CLSTN2: variants seen among roughly 807,000 people sequenced by gnomAD.
CLSTN2 encodes calsyntenin-2.
CLSTN2 carries 48 observed loss-of-function variants against 101.2 expected under a neutral mutation model. That is an observed-to-expected ratio of 0.47 (90% CI 0.38 to 0.60). The LOEUF is 0.60. CLSTN2 is among the 20% of genes least tolerant of loss of function. The pLI, the probability that CLSTN2 is intolerant of heterozygous loss-of-function variation, is 0.00. For missense variants in CLSTN2, 1,160 were observed against 1,238.2 expected (o/e 0.94, Z 0.95); for synonymous variants, 481 against 463.6 (o/e 1.04, Z -0.48).
At chr3:140,544,788 G>A (rs1435133852) in intron 9 of CLSTN2, among the ~76,000 whole-genome samples, 1 of 151,988 alleles carries the variant, frequency 6.6e-6, no homozygotes, top group Non-Finnish European at 1.5e-5. Flanking sequence ...GGAGACACAT[G>A]GTGGGCAGAG....
Position 140,205,618 on chromosome 3 carries a change from G to GCCC in CLSTN2, c.232+29549_232+29551dup, listed in dbSNP as rs200923291. 1.8e-3 allele frequency among the ~76,000 whole-genome samples: 120 copies of GCCC among 67,160 alleles called. 2 individuals are homozygous for GCCC. Among genetic ancestry groups the GCCC allele is most frequent in the Non-Finnish European group, 2.6e-3 (71 of 27,088 alleles). 44.1% of individuals were successfully genotyped at this position (67,160 alleles called of 152,430 possible). A position where few individuals can be genotyped will look rare whatever the true frequency, so the allele number is the denominator to read the frequency against. Reference sequence around the variant, plus strand: ...TACAGTTGTTGTTTGGACCTGACCCGCCCCCCACCCACACACACACACAGC... The same window carrying GCCC: ...TACAGTTGTTGTTTGGACCTGACCCGCCCCCCCCCACCCACACACACACACAGC... On this transcript the variant is annotated intron_variant, in intron 2 of 16. Transcript: ENST00000458420.
chr3:140,400,342 T>A (rs2088227242), intron 2 of CLSTN2, among the ~76,000 whole-genome samples: 2 of 152,182 alleles, frequency 1.3e-5, no homozygotes, highest in South Asian at 4.1e-4. Context: ...TCTCCTCTGC[T>A]CATAACATGC....
At chr3:140,272,755 AAAT>A (rs1284428759) in intron 2 of CLSTN2, among the ~76,000 whole-genome samples, 2 of 152,134 alleles carry the variant, frequency 1.3e-5, no homozygotes, top group Non-Finnish European at 2.9e-5. Flanking sequence ...CTGTCTTCAA[AAAT>A]AATAATAATA....
chr3:139,986,015 C>A (rs752519946), intron 1 of CLSTN2, among the ~76,000 whole-genome samples: 2 of 152,190 alleles, frequency 1.3e-5, no homozygotes, highest in Non-Finnish European at 2.9e-5. Context: ...AGGTGTTTAG[C>A]TGGATATCAA....
At chr3:140,382,627 G>C (rs996325786) in intron 2 of CLSTN2, among the ~76,000 whole-genome samples, 1 of 152,110 alleles carries the variant, frequency 6.6e-6, no homozygotes, top group Admixed American at 6.5e-5. Flanking sequence ...GTTCATTGGA[G>C]CTGCTATAAT....
At chr3:140,000,265 T>C (rs935204291) in intron 1 of CLSTN2, among the ~76,000 whole-genome samples, 5 of 152,206 alleles carry the variant, frequency 3.3e-5, no homozygotes, top group African/African-American at 4.8e-5. Flanking sequence ...GGTAGTACTT[T>C]AGAATTGACA....
chr3:140,250,141 A>G (rs1260418176), intron 2 of CLSTN2, among the ~76,000 whole-genome samples: 3 of 152,244 alleles, frequency 2.0e-5, no homozygotes, highest in Admixed American at 6.5e-5. Context: ...AACACAATGT[A>G]CTAGGAAGAT....
intron 2 of CLSTN2, among the ~76,000 whole-genome samples, chr3:140,206,914 G>A (rs2010791547): frequency 6.6e-6 from 1 of 152,200 alleles, no homozygotes. Flanking sequence ...CCACCTGCCT[G>A]AGCTGGGAAT....
intron 1 of CLSTN2, among the ~76,000 whole-genome samples, chr3:140,157,048 A>G (rs2009965670): frequency 6.6e-6 from 1 of 152,110 alleles, no homozygotes; most frequent in African/African-American, 2.4e-5. Flanking sequence ...TTTGTAGAGG[A>G]TACAGTGTGA....
At position 140,577,268 on chromosome 3, in the gene CLSTN2, T is replaced by C. The variant is rs1202337305; in HGVS notation, c.*11015T>C. ...GTTTTCAAGTAATTTGTTAAATGCC[T>C]ATTCAACACAGACAGATTTTTATTT... On this transcript the variant is annotated 3_prime_UTR_variant, in exon 17 of 17. Transcript: ENST00000458420. The C allele has an allele frequency of 6.6e-6, 1 of 152,248 alleles. No homozygotes were observed. Among genetic ancestry groups the C allele is most frequent in the Non-Finnish European group, 1.5e-5 (1 of 68,040 alleles). The allele number at this position is 152,248 out of a possible 1,614,324, so 9.4% of individuals were successfully genotyped here. A position where few individuals can be genotyped will look rare whatever the true frequency, so the allele number is the denominator to read the frequency against.
Position 140,385,021 on chromosome 3 carries a change from G to C in CLSTN2, c.233-18608G>C, listed in dbSNP as rs939064592. Among the ~76,000 whole-genome samples the C allele has an allele frequency of 3.3e-5, 5 of 152,192 alleles. No homozygotes were observed. In the South Asian group the frequency reaches 6.2e-4, roughly 19 times the overall value. On this transcript the variant is annotated intron_variant, in intron 2 of 16. Transcript: ENST00000458420. ...CCAGAAAAGAAGTGGGCAAATCCTA[G>C]TGTGACCTTGAACAACTCATCCAGT...
intron 1 of CLSTN2, among the ~76,000 whole-genome samples, chr3:139,978,933 C>T (rs2107822622): frequency 6.6e-6 from 1 of 152,050 alleles, no homozygotes; most frequent in Admixed American, 6.5e-5. Flanking sequence ...GGCAACAAGC[C>T]CTGTAGAGTG....
intron 1 of CLSTN2, among the ~76,000 whole-genome samples, chr3:139,992,519 A>G (rs559685457): frequency 2.0e-5 from 3 of 152,098 alleles, no homozygotes; most frequent in African/African-American, 4.8e-5. Context: ...CTCTAGTGCT[A>G]TTTTTCCTGT....
intron 1 of CLSTN2, among the ~76,000 whole-genome samples, chr3:139,947,944 A>G (rs1389265931): frequency 3.3e-5 from 5 of 152,146 alleles, no homozygotes; most frequent in Non-Finnish European, 7.4e-5. Flanking sequence ...AACTCAAGTC[A>G]GGGACCAGCC....
At chr3:140,136,781 CAGG>C (rs1415852209) in intron 1 of CLSTN2, among the ~76,000 whole-genome samples, 1 of 152,126 alleles carries the variant, frequency 6.6e-6, no homozygotes, top group African/African-American at 2.4e-5. Context: ...TGGCAGGGAG[CAGG>C]AGATCAATGA....
At chr3:140,260,930 G>A (rs569325409) in intron 2 of CLSTN2, among the ~76,000 whole-genome samples, 1 of 152,136 alleles carries the variant, frequency 6.6e-6, no homozygotes, top group Non-Finnish European at 1.5e-5. Flanking sequence ...GTAAAAACTG[G>A]TTTATGGGTT....
intron 1 of CLSTN2, among the ~76,000 whole-genome samples, chr3:140,131,092 T>C (rs1451638194): frequency 1.3e-5 from 2 of 152,138 alleles, no homozygotes; most frequent in Non-Finnish European, 2.9e-5. Flanking sequence ...CTTGTCATAC[T>C]TCCATTGGAT....
intron 2 of CLSTN2, among the ~76,000 whole-genome samples, chr3:140,316,401 A>G (rs1346960284): frequency 2.0e-5 from 3 of 152,232 alleles, no homozygotes; most frequent in Non-Finnish European, 4.4e-5. Flanking sequence ...ATTCAATAGC[A>G]TATATCAGGG....
chr3:140,244,069 G>T (rs2086494135), intron 2 of CLSTN2, among the ~76,000 whole-genome samples: 1 of 152,312 alleles, frequency 6.6e-6, no homozygotes, highest in East Asian at 1.9e-4. Context: ...AGAGAGGAAG[G>T]CTGGCAGTGC....
Sources: allele counts gnomAD v4.1 joint callset (sites outside exome capture counted in the v4.1 genomes callset), GRCh38; gene constraint gnomAD v4.1.1; transcripts MANE v1.5; gene names NCBI Gene and HGNC (gene_info 2026-07-23, HGNC 2026-07-21).